ASCC3: variants seen among roughly 807,000 people sequenced by gnomAD.
ASCC3 encodes the protein activating signal cointegrator 1 complex subunit 3.
In ASCC3, 158 loss-of-function variants were observed where a neutral mutation model predicts 256.3. The observed-to-expected ratio is 0.62, with a 90% confidence interval of 0.54 to 0.70. The LOEUF is 0.70. Ranked by LOEUF, ASCC3 falls within the 30% of genes least tolerant of loss-of-function variation. ASCC3 has a pLI of 0.00. For synonymous variants in ASCC3, 948 were observed against 883.4 expected (o/e 1.07, Z -1.30); for missense variants, 2,259 against 2,626.0 (o/e 0.86, Z 3.05).
At chr6:100,708,644 AACAACTTACAGT>A (rs1465821997) in intron 13 of ASCC3, among the ~76,000 whole-genome samples, 1 of 152,064 alleles carries the variant, frequency 6.6e-6, no homozygotes, top group African/African-American at 2.4e-5. Flanking sequence ...GATGCTGCTA[AACAACTTACAGT>A]ACACAGGACA....
chr6:100,740,332 G>A (rs757992287), intron 10 of ASCC3, among the ~76,000 whole-genome samples: 8 of 152,122 alleles, frequency 5.3e-5, no homozygotes, highest in Non-Finnish European at 1.0e-4. Flanking sequence ...CGCATTTGTT[G>A]AGGAGTGTTT....
intron 37 of ASCC3, among the ~76,000 whole-genome samples, chr6:100,518,544 A>G (rs1774149671): frequency 6.6e-6 from 1 of 152,156 alleles, no homozygotes; most frequent in South Asian, 2.1e-4. Context: ...TTTAAAATCA[A>G]TAATGGTAAG....
At chr6:100,643,323 G>A (rs768553485) in intron 23 of ASCC3, among the ~76,000 whole-genome samples, 52 of 152,120 alleles carry the variant, frequency 3.4e-4, no homozygotes, top group Non-Finnish European at 4.9e-4. Context: ...TCTTTGTCTT[G>A]TGATTTATAA....
At chr6:100,671,382 T>C (rs1178750822) in intron 14 of ASCC3, among the ~76,000 whole-genome samples, 1 of 152,092 alleles carries the variant, frequency 6.6e-6, no homozygotes, top group Non-Finnish European at 1.5e-5. Context: ...AGATATACTT[T>C]ATCTTGTTCA....
chr6:100,834,563 C>T (rs115577873), intron 4 of ASCC3, among the ~76,000 whole-genome samples: 2,506 of 152,154 alleles, frequency 0.016, 71 homozygotes, highest in African/African-American at 0.058. Flanking sequence ...ACAAAAGCTG[C>T]TTTTCTGAAA....
At chr6:100,774,531 A>C (rs1489020484) in intron 8 of ASCC3, among the ~76,000 whole-genome samples, 2 of 150,986 alleles carry the variant, frequency 1.3e-5, no homozygotes, top group Non-Finnish European at 2.9e-5. Flanking sequence ...ACGCCTGGCT[A>C]ATTTTTTGTA....
At chr6:100,602,691 C>A (rs1223176817) in intron 33 of ASCC3, among the ~76,000 whole-genome samples, 2 of 151,914 alleles carry the variant, frequency 1.3e-5, no homozygotes, top group African/African-American at 4.8e-5. Flanking sequence ...ATATTAAAGT[C>A]CCTAGTCATA....
intron 25 of ASCC3, among the ~76,000 whole-genome samples, chr6:100,637,916 T>C (rs1257170847): frequency 6.6e-6 from 1 of 152,192 alleles, no homozygotes; most frequent in Non-Finnish European, 1.5e-5. Context: ...CTGACAAAGA[T>C]ACTGTGACCA....
chr6:100,753,168 C>T (rs1781014636), intron 10 of ASCC3, among the ~76,000 whole-genome samples: 1 of 151,662 alleles, frequency 6.6e-6, no homozygotes, highest in East Asian at 1.9e-4. Context: ...TCCTAAGTAA[C>T]GTGAACAAAA....
intron 30 of ASCC3, among the ~76,000 whole-genome samples, chr6:100,619,050 T>C (rs1172921700): frequency 6.6e-6 from 1 of 152,058 alleles, no homozygotes; most frequent in Non-Finnish European, 1.5e-5. Flanking sequence ...CTGGGAAAGG[T>C]TGGGGTACTA....
chr6:100,851,748 T>C (rs1772679397), intron 3 of ASCC3, among the ~76,000 whole-genome samples: 1 of 152,136 alleles, frequency 6.6e-6, no homozygotes, highest in Admixed American at 6.5e-5. Context: ...CAACAGAGAA[T>C]CTCTATATGC....
At chr6:100,880,790 C>G (rs1769263137) in intron 1 of ASCC3, among the ~76,000 whole-genome samples, 1 of 152,210 alleles carries the variant, frequency 6.6e-6, no homozygotes, top group African/African-American at 2.4e-5. Context: ...CATCTGGTCA[C>G]GTTGTGGCTT....
intron 10 of ASCC3, among the ~76,000 whole-genome samples, chr6:100,765,367 T>C (rs1781603940): frequency 6.6e-6 from 1 of 152,186 alleles, no homozygotes. Context: ...CTCCTTCCTT[T>C]TGGAATTACT....
At chr6:100,769,933 T>G (rs2115138595) in intron 8 of ASCC3, among the ~76,000 whole-genome samples, 1 of 151,780 alleles carries the variant, frequency 6.6e-6, no homozygotes, top group East Asian at 1.9e-4. Flanking sequence ...GTAAAGAAAT[T>G]AAGAATGAGG....
At chr6:100,671,103 C>T (rs1055286181) in intron 14 of ASCC3, among the ~76,000 whole-genome samples, 9 of 151,988 alleles carry the variant, frequency 5.9e-5, no homozygotes, top group African/African-American at 2.2e-4. Flanking sequence ...TGTATTAAAA[C>T]ATATACCCAT....
chr6:100,759,038 T>G (rs1781315203), intron 10 of ASCC3, among the ~76,000 whole-genome samples: 1 of 152,220 alleles, frequency 6.6e-6, no homozygotes, highest in East Asian at 1.9e-4. Context: ...CATAAATGTC[T>G]TCTTTTGAGA....
At chr6:100,789,820 C>A (rs1235764552) in intron 8 of ASCC3, among the ~76,000 whole-genome samples, 1 of 151,870 alleles carries the variant, frequency 6.6e-6, no homozygotes, top group Non-Finnish European at 1.5e-5. Context: ...TAATTGAGAT[C>A]CCTTTATACA....
At chr6:100,850,476 A>T (rs571961196) in intron 3 of ASCC3, among the ~76,000 whole-genome samples, 20 of 152,178 alleles carry the variant, frequency 1.3e-4, no homozygotes, top group Non-Finnish European at 1.3e-4. Flanking sequence ...TCCTCACTGT[A>T]CTTAGCCCCA....
At chr6:100,660,745 A>G (rs1051868867) in intron 16 of ASCC3, among the ~76,000 whole-genome samples, 1 of 151,564 alleles carries the variant, frequency 6.6e-6, no homozygotes, top group Non-Finnish European at 1.5e-5. Flanking sequence ...AAATAAAGAT[A>G]CTCTCACTGG....
Sources: allele counts gnomAD v4.1 joint callset (sites outside exome capture counted in the v4.1 genomes callset), GRCh38; gene constraint gnomAD v4.1.1; transcripts MANE v1.5; gene names NCBI Gene and HGNC (gene_info 2026-07-23, HGNC 2026-07-21).